FAT3: variants seen among roughly 807,000 people sequenced by gnomAD.
FAT3 encodes the protein protocadherin Fat 3.
In FAT3, 95 loss-of-function variants were observed where a neutral mutation model predicts 310.2. The observed-to-expected ratio is 0.31, with a 90% CI of 0.26 to 0.36. The LOEUF is 0.36. Ranked by LOEUF, FAT3 falls within the 10% of genes least tolerant of loss-of-function variation. The pLI is 1.00. For synonymous variants in FAT3, 2,314 were observed against 2,192.9 expected, an observed-to-expected ratio of 1.06 and a Z score of -1.54; for missense variants, 5,408 against 5,715.6, an observed-to-expected ratio of 0.95 and a Z score of 1.74.
intron 1 of FAT3, among the ~76,000 whole-genome samples, chr11:92,328,428 T>C (rs1343030121): frequency 6.6e-6 from 1 of 152,234 alleles, no homozygotes; most frequent in Non-Finnish European, 1.5e-5. Flanking sequence ...AGGCTTCATA[T>C]TGATCATTGA....
chr11:92,723,263 A>G (rs1223875342), intron 4 of FAT3, among the ~76,000 whole-genome samples: 1 of 152,178 alleles, frequency 6.6e-6, no homozygotes, highest in East Asian at 1.9e-4. Flanking sequence ...AAAGTTCCAC[A>G]TATCTTTAGG....
In FAT3 at chr11:92,799,544, T is replaced by C; in HGVS notation, c.6531T>C (p.Thr2177=). ...CTACATCTGTGGAGCTTCCCATCAC[T>C]ATTGTCAACAAAGCAATGCCTGTGT... is the stretch of plus-strand genomic sequence containing the variant. The part of the protein sequence containing the change: ...SLSTSVELPI[T]IVNKAMPVFD... Residue 2177 remains threonine (T), a synonymous_variant, in exon 10 of 28, where the codon ACT becomes ACC. Transcript: ENST00000525166. The C allele has an allele frequency of 6.2e-7, 1 of 1,613,816 alleles. No homozygotes were observed. Among genetic ancestry groups the C allele is most frequent in the South Asian group, 1.1e-5 (1 of 91,044 alleles).
In FAT3 at chr11:92,762,152, C is replaced by A. The variant is rs1481646907; in HGVS notation, c.3966C>A (p.Gly1322=). ...MVSSRKQFTA[G]SYDILTIKAV... is the part of the protein sequence containing the mutation. ...CTTCTAGAAAGCAGTTTACAGCAGG[C>A]AGTTATGACATCCTAACGGTAAGAT... Residue 1322 remains glycine (G), a synonymous_variant, in exon 5 of 28, where the codon GGC becomes GGA. Coordinates refer to ENST00000525166, the MANE Select transcript of FAT3 (RefSeq NM_001367949.2). The A allele has an allele frequency of 6.2e-7, 1 of 1,611,382 alleles. No homozygotes were observed.
intron 1 of FAT3, among the ~76,000 whole-genome samples, chr11:92,345,144 T>C (rs1948378808): frequency 6.6e-6 from 1 of 152,170 alleles, no homozygotes; most frequent in Admixed American, 6.5e-5. Flanking sequence ...TTTATGATTA[T>C]AATTCCTATT....
intron 1 of FAT3, among the ~76,000 whole-genome samples, chr11:92,339,236 A>G (rs191794839): frequency 2.2e-3 from 341 of 152,288 alleles, no homozygotes; most frequent in Admixed American, 4.6e-3. Context: ...TATACCCACT[A>G]GATGCCTGCA....
intron 4 of FAT3, among the ~76,000 whole-genome samples, chr11:92,733,121 T>C (rs1387554546): frequency 6.6e-6 from 1 of 152,018 alleles, no homozygotes; most frequent in East Asian, 1.9e-4. Context: ...TACACAAGGG[T>C]AGCAAAGACT....
intron 7 of FAT3, among the ~76,000 whole-genome samples, chr11:92,788,707 G>T (rs757632719): frequency 6.6e-6 from 1 of 152,060 alleles, no homozygotes; most frequent in Non-Finnish European, 1.5e-5. Context: ...AAAGGAAATT[G>T]AACCTTAGCA....
At chr11:92,473,782 A>G (rs1170959311) in intron 2 of FAT3, among the ~76,000 whole-genome samples, 1 of 152,204 alleles carries the variant, frequency 6.6e-6, no homozygotes, top group Non-Finnish European at 1.5e-5. Context: ...GGGACTAGCA[A>G]GAAACTCAGA....
chr11:92,462,486 T>G (rs961040019), intron 2 of FAT3, among the ~76,000 whole-genome samples: 12 of 152,174 alleles, frequency 7.9e-5, no homozygotes, highest in Non-Finnish European at 1.6e-4. Flanking sequence ...TTTAAAGAAA[T>G]TTTATCTAAA....
intron 2 of FAT3, among the ~76,000 whole-genome samples, chr11:92,424,413 C>T (rs1453935578): frequency 2.0e-5 from 3 of 152,106 alleles, no homozygotes; most frequent in Admixed American, 2.0e-4. Context: ...CAGTGGTTCT[C>T]CTATGGACCT....
chr11:92,560,352 AGATATAT>A (rs1322471776), intron 3 of FAT3, among the ~76,000 whole-genome samples: 2 of 152,122 alleles, frequency 1.3e-5, no homozygotes, highest in African/African-American at 2.4e-5. Context: ...GACCCGTGTC[AGATATAT>A]GATTTACAAA....
At chr11:92,725,599 A>C (rs80209753) in intron 4 of FAT3, among the ~76,000 whole-genome samples, 5,609 of 152,210 alleles carry the variant, frequency 0.037, 243 homozygotes, top group East Asian at 0.21. Flanking sequence ...TTTTTAACCA[A>C]TTCTATGGAT....
rs1168977527 is a variant in FAT3 at position 92,890,902 on chromosome 11, G to T, written c.13559G>T (p.Ser4520Ile). 1 of 1,614,024 alleles carries T rather than the reference G, an allele frequency of 6.2e-7. No homozygotes were observed. The highest frequency in any genetic ancestry group is 2.2e-5 in the East Asian group (1 of 44,880). Residue 4520 changes from serine to isoleucine, a missense_variant, in exon 28 of 28, where the codon AGC (serine) becomes ATC (isoleucine). Physicochemically the swap from Ser to Ile is moderately radical, Grantham distance 142. This residue lies in a region of FAT3 where 649 missense variants were observed against 666.2 expected (regional missense o/e 0.97). Coordinates refer to ENST00000525166, the MANE Select transcript of FAT3 (RefSeq NM_001367949.2). Reference protein sequence around the residue: ...ASCEFSTFAVSMNQGTEPTGP... With the variant: ...ASCEFSTFAVIMNQGTEPTGP... ...TGTGAATTTAGTACTTTTGCTGTGA[G>T]CATGAACCAGGGCACAGAGCCCACA...
At chr11:92,431,593 A>G (rs1950780238) in intron 2 of FAT3, among the ~76,000 whole-genome samples, 1 of 152,090 alleles carries the variant, frequency 6.6e-6, no homozygotes, top group African/African-American at 2.4e-5. Context: ...GCCCATGCCT[A>G]TGTCCTGAAT....
At chr11:92,583,648 G>T (rs576737899) in intron 3 of FAT3, among the ~76,000 whole-genome samples, 2 of 151,744 alleles carry the variant, frequency 1.3e-5, no homozygotes, top group Non-Finnish European at 2.9e-5. Flanking sequence ...GCTTTACCCA[G>T]CCCTGCCTCT....
At chr11:92,557,560 C>A (rs1057218816) in intron 3 of FAT3, among the ~76,000 whole-genome samples, 2 of 152,188 alleles carry the variant, frequency 1.3e-5, no homozygotes, top group African/African-American at 4.8e-5. Context: ...CCACTGATCT[C>A]CTTAGCTCTG....
intron 1 of FAT3, among the ~76,000 whole-genome samples, chr11:92,225,753 G>T (rs1439125272): frequency 1.3e-5 from 2 of 152,090 alleles, no homozygotes; most frequent in Admixed American, 1.3e-4. Flanking sequence ...CGCCTGACTC[G>T]GGCTTGCGGG....
At chr11:92,296,067 A>G (rs1423917527) in intron 1 of FAT3, among the ~76,000 whole-genome samples, 1 of 152,058 alleles carries the variant, frequency 6.6e-6, no homozygotes, top group Non-Finnish European at 1.5e-5. Context: ...CCCTGGCTCA[A>G]TGGTGTTTAC....
chr11:92,754,903 A>G (rs1242900701), intron 4 of FAT3, among the ~76,000 whole-genome samples: 1 of 152,056 alleles, frequency 6.6e-6, no homozygotes, highest in Non-Finnish European at 1.5e-5. Context: ...AAATCCTGTC[A>G]TTTGTGACAA....
Sources: gnomAD v4.1 joint callset for allele counts (sites outside exome capture counted in the v4.1 genomes callset) on GRCh38, gnomAD v4.1.1 for gene constraint, gnomAD v4.1.1 regional missense constraint, MANE v1.5 for transcripts, NCBI Gene and HGNC (gene_info 2026-07-23, HGNC 2026-07-21) for gene names.